ZDHHC11B: variants seen among roughly 807,000 people sequenced by gnomAD.
ZDHHC11B encodes the protein zDHHC palmitoyltransferase 11B (putative).
Under a neutral mutation model 42.3 loss-of-function variants are expected in ZDHHC11B, and 17 were observed. The ratio of observed to expected loss-of-function variants is 0.40; its 90% confidence interval spans 0.27 to 0.60. The LOEUF (loss-of-function observed/expected upper bound fraction) is 0.60, where lower values mean the gene tolerates loss of function less well. ZDHHC11B is among the 20% of genes least tolerant of loss of function. The pLI is 0.41. For missense variants in ZDHHC11B, 262 were observed against 463.2 expected (o/e 0.57, Z 3.99); for synonymous variants, 123 against 193.5 (o/e 0.64, Z 3.02).
In ZDHHC11B at chr5:728,803, C is replaced by A. The variant is rs535012334; in HGVS notation, c.1058+1631G>T. ...TTAGGAGGCTGAGGCAGGCAAATAG[C>A]TTGAGCTCAGGAGTTCGAGACCAGT... On this transcript the variant is annotated intron_variant, in intron 12 of 13. Transcript: ENST00000508859. Among the ~76,000 whole-genome samples, 12 of 151,940 alleles carry A rather than the reference C, an allele frequency of 7.9e-5. 1 individual carries two copies. The highest frequency in any genetic ancestry group is 2.9e-4 in the African/African-American group (12 of 41,390).
Position 759,684 on chromosome 5 carries a change from G to A in ZDHHC11B, c.223-3540C>T, listed in dbSNP as rs530163577. On this transcript the variant is annotated intron_variant, in intron 4 of 13. Transcript: ENST00000508859. ...GGGCCCATACACGCGGCCGCTGGAC[G>A]GTTGGCCAAGCCTGGCACTCAAACG... 3.8e-4 allele frequency among the ~76,000 whole-genome samples: 58 copies of A among 152,076 alleles called. 1 individual carries two copies. In the East Asian group the frequency reaches 9.9e-3, roughly 26 times the overall value.
In ZDHHC11B at chr5:711,319, C is replaced by CTTTCCCAGTACTGTGCTCCCA. The variant is rs1561105687; in HGVS notation, c.*950_*970dup. 1 of 137,232 alleles carries CTTTCCCAGTACTGTGCTCCCA rather than the reference C, an allele frequency of 7.3e-6. No homozygotes were observed. The highest frequency in any genetic ancestry group is 2.8e-5 in the African/African-American group (1 of 35,424). The allele number at this position is 137,232 out of a possible 1,614,324, so 8.5% of individuals were successfully genotyped here. A position where few individuals can be genotyped will look rare whatever the true frequency, so the allele number is the denominator to read the frequency against. On this transcript the variant is annotated 3_prime_UTR_variant, in exon 14 of 14. Coordinates refer to ENST00000508859, the MANE Select transcript of ZDHHC11B (RefSeq NM_001351303.2). ...CCAATTCCCAGTACTGTGGGCTCCC[C>CTTTCCCAGTACTGTGCTCCCA]TTTCCCAGTACTGTGCTCCCATTTC... is the stretch of plus-strand genomic sequence containing the variant.
At chr5:760,011 G>A (rs1734383895) in intron 4 of ZDHHC11B, among the ~76,000 whole-genome samples, 1 of 151,908 alleles carries the variant, frequency 6.6e-6, no homozygotes, top group Admixed American at 6.6e-5. Flanking sequence ...GGGCAGCATG[G>A]ACAAGGGCTG....
intron 4 of ZDHHC11B, among the ~76,000 whole-genome samples, chr5:757,572 C>T (rs554750367): frequency 2.6e-5 from 4 of 151,990 alleles, no homozygotes; most frequent in African/African-American, 9.6e-5. Context: ...CCGTAAGAAG[C>T]GTGCTGCAAT....
At chr5:737,433 C>A (rs1484541034) in intron 10 of ZDHHC11B, among the ~76,000 whole-genome samples, 1 of 149,110 alleles carries the variant, frequency 6.7e-6, no homozygotes. Context: ...AAGAGGGAAT[C>A]GTCCATAAAT....
In ZDHHC11B at chr5:757,917, C is replaced by T. The variant is rs140924588; in HGVS notation, c.223-1773G>A. On this transcript the variant is annotated intron_variant, in intron 4 of 13. Coordinates refer to ENST00000508859, the MANE Select transcript of ZDHHC11B (RefSeq NM_001351303.2). Reference sequence around the variant, plus strand: ...AGGACTGGTCAGACACTTGCAGTGGCCAGTCTAATCCCACCATGGTAGAGG... The same window carrying T: ...AGGACTGGTCAGACACTTGCAGTGGTCAGTCTAATCCCACCATGGTAGAGG... Among the ~76,000 whole-genome samples the T allele has an allele frequency of 5.6e-3, 845 of 151,524 alleles. 5 individuals are homozygous for T. The highest frequency in any genetic ancestry group is 0.019 in the African/African-American group (797 of 41,034).
chr5:770,526 C>T (rs1470745520), intron 1 of ZDHHC11B, among the ~76,000 whole-genome samples: 3 of 151,418 alleles, frequency 2.0e-5, no homozygotes, highest in Non-Finnish European at 4.4e-5. Context: ...CTCCTGTGGA[C>T]GCCCGCTCTG....
Position 718,588 on chromosome 5 carries a change from C to T in ZDHHC11B, c.1059-1723G>A, listed in dbSNP as rs182399170. Among the ~76,000 whole-genome samples, 176 of 149,586 alleles carry T rather than the reference C, an allele frequency of 1.2e-3. 5 individuals carry two copies. The highest frequency in any genetic ancestry group is 1.3e-3 in the Non-Finnish European group (90 of 67,634). The stretch of plus-strand genomic sequence containing the variant: ...GTGAGTGCCTGTAGTCCCAGTTACT[C>T]GGGAGGCTGAGGCAGGAGAATGGTG... On this transcript the variant is annotated intron_variant, in intron 12 of 13. Coordinates refer to ENST00000508859, the MANE Select transcript of ZDHHC11B (RefSeq NM_001351303.2).
chr5:783,501 G>T (rs1429875430), intron 1 of ZDHHC11B, among the ~76,000 whole-genome samples: 11 of 152,328 alleles, frequency 7.2e-5, no homozygotes, highest in African/African-American at 2.6e-4. Context: ...GGCCGGGGTG[G>T]GCGGAGGGGC....
intron 13 of ZDHHC11B, among the ~76,000 whole-genome samples, chr5:716,283 T>C (rs1741744189): frequency 6.6e-6 from 1 of 151,344 alleles, no homozygotes. Flanking sequence ...GTGTGCCTGA[T>C]AGCAAATTCC....
At chr5:784,623 G>A (rs1369700307) in intron 1 of ZDHHC11B, among the ~76,000 whole-genome samples, 45 bp downstream of exon 1, 6 of 151,626 alleles carry the variant, frequency 4.0e-5, no homozygotes, top group Non-Finnish European at 7.4e-5. Flanking sequence ...GCCCCCGGGT[G>A]CCCCCCGCGC....
intron 1 of ZDHHC11B, among the ~76,000 whole-genome samples, chr5:771,203 C>T (rs1173523999): frequency 1.2e-4 from 18 of 151,832 alleles, no homozygotes; most frequent in African/African-American, 1.9e-4. Flanking sequence ...GAGTTCTCAG[C>T]GCCAGTCATG....
At chr5:751,513 GCA>G (rs1745736165) in intron 6 of ZDHHC11B, among the ~76,000 whole-genome samples, 2 of 52,510 alleles carry the variant, frequency 3.8e-5, no homozygotes, top group African/African-American at 9.6e-5. Context: ...AGAGGCAGGG[GCA>G]GGGACACGCA....
rs762817814 is a variant in ZDHHC11B at position 766,923 on chromosome 5, C to T, written c.1-4G>A. On this transcript the variant is annotated splice_polypyrimidine_tract_variant and splice_region_variant and intron_variant, in intron 3 of 13. Coordinates refer to ENST00000508859, the MANE Select transcript of ZDHHC11B (RefSeq NM_001351303.2). Reference sequence around the variant, plus strand: ...GGCTCCCGGAGCGGGTGTCCATCTGCAGGACACAGAAGGGGAGGACCTGCG... The same window carrying T: ...GGCTCCCGGAGCGGGTGTCCATCTGTAGGACACAGAAGGGGAGGACCTGCG... 3.1e-6 allele frequency: 5 copies of T among 1,611,146 alleles called. No homozygotes were observed. The highest frequency in any genetic ancestry group is 1.3e-5 in the African/African-American group (1 of 74,758).
chr5:767,686 C>A (rs1456741145), intron 2 of ZDHHC11B, among the ~76,000 whole-genome samples, 162 bp from the exon 3 acceptor site: 2 of 107,486 alleles, frequency 1.9e-5, no homozygotes, highest in Admixed American at 1.1e-4. Flanking sequence ...CCTGAGTTTT[C>A]CATGTGTAAC....
chr5:731,509 G>A (rs1743015794), intron 11 of ZDHHC11B, among the ~76,000 whole-genome samples: 1 of 150,894 alleles, frequency 6.6e-6, no homozygotes, highest in African/African-American at 2.5e-5. Flanking sequence ...TATTTCTCAT[G>A]GATATTGTTG....
At chr5:762,226 G>A (rs1421707473) in intron 4 of ZDHHC11B, among the ~76,000 whole-genome samples, 25 of 150,840 alleles carry the variant, frequency 1.7e-4, no homozygotes, top group Non-Finnish European at 8.9e-5. Flanking sequence ...GCCACTCACA[G>A]CCCAGATGGC....
At position 745,548 on chromosome 5, in the gene ZDHHC11B, C is replaced by T. The variant is rs1279191688; in HGVS notation, c.785-250G>A. ...ACCTGGGGAACGGTGCTGACTCAGG[C>T]CCCCCCGCCTGCCAAGGCCTCATTG... On this transcript the variant is annotated intron_variant, in intron 8 of 13. Transcript: ENST00000508859. Among the ~76,000 whole-genome samples the T allele has an allele frequency of 2.7e-5, 4 of 149,846 alleles. 1 individual carries two copies. Among genetic ancestry groups the T allele is most frequent in the Admixed American group, 1.3e-4 (2 of 14,830 alleles).
intron 13 of ZDHHC11B, among the ~76,000 whole-genome samples, chr5:715,470 A>T (rs552264440): frequency 6.7e-6 from 1 of 150,116 alleles, no homozygotes; most frequent in East Asian, 2.0e-4. Flanking sequence ...TACCACTGAG[A>T]CAATTTTTTA....
Sources: gnomAD v4.1 joint callset for allele counts (sites outside exome capture counted in the v4.1 genomes callset) on GRCh38, gnomAD v4.1.1 for gene constraint, MANE v1.5 for transcripts, NCBI Gene and HGNC (gene_info 2026-07-23, HGNC 2026-07-21) for gene names.